LSS: variants seen among roughly 807,000 people sequenced by gnomAD.
The protein encoded by LSS is 2,3-epoxysqualene-lanosterol cyclase.
A neutral mutation model predicts 110.3 loss-of-function variants in LSS; 90 were observed. The ratio of observed to expected loss-of-function variants is 0.82; its 90% CI spans 0.69 to 0.97. The LOEUF is 0.97. LSS is among the 50% of genes least tolerant of loss of function. LSS has a pLI of 0.00. For synonymous variants in LSS, 433 were observed against 400.0 expected (o/e 1.08, Z -0.98); for missense variants, 927 against 990.0 (o/e 0.94, Z 0.85).
At chr21:46,202,814 C>T (rs1348135388) in intron 17 of LSS, among the ~76,000 whole-genome samples, 1 of 152,094 alleles carries the variant, frequency 6.6e-6, no homozygotes, top group Non-Finnish European at 1.5e-5. Flanking sequence ...AAGTTTGAGA[C>T]TGTGGTGAGC....
intron 13 of LSS, among the ~76,000 whole-genome samples, chr21:46,208,508 C>A (rs560459826): frequency 6.6e-6 from 1 of 152,322 alleles, no homozygotes; most frequent in East Asian, 1.9e-4. Context: ...TGCTGGGAAA[C>A]GTGACTGGCC....
At chr21:46,208,851 G>C (rs1008582119) in intron 13 of LSS, among the ~76,000 whole-genome samples, 3 of 152,192 alleles carry the variant, frequency 2.0e-5, no homozygotes, top group Non-Finnish European at 4.4e-5. Flanking sequence ...AGCCCAAGAT[G>C]GGTGCCAGCC....
chr21:46,189,141 A>C lies in LSS; in HGVS notation c.*1963T>G. ...GTGACAGGCTTCTGATAAGGGAATC[A>C]ATGTCTGTTTATTAAGGCAGATGCT... On this transcript the variant is annotated 3_prime_UTR_variant, in exon 22 of 22. Coordinates refer to ENST00000397728, the MANE Select transcript of LSS (RefSeq NM_002340.6). The C allele has an allele frequency of 4.4e-6, 1 of 227,400 alleles. No individual in the cohort carries two copies. 14.1% of individuals were successfully genotyped at this position (227,400 alleles called of 1,614,324 possible).
chr21:46,196,147 G>C (rs2079906690), intron 18 of LSS, 55 bp downstream of exon 18: 21 of 1,539,778 alleles, frequency 1.4e-5, no homozygotes, highest in Admixed American at 3.4e-5. Flanking sequence ...GTGTGTGAGA[G>C]CAGAAACCTG....
chr21:46,206,374 A>G (rs1008248785), intron 16 of LSS, among the ~76,000 whole-genome samples: 2 of 152,200 alleles, frequency 1.3e-5, no homozygotes, highest in African/African-American at 2.4e-5. Context: ...CAGCCTCCAC[A>G]GAACACAAGC....
intron 18 of LSS, among the ~76,000 whole-genome samples, 175 bp from the exon 19 acceptor site, chr21:46,195,931 G>A (rs942230435): frequency 7.2e-5 from 11 of 152,212 alleles, no homozygotes; most frequent in Admixed American, 2.0e-4. Flanking sequence ...AGAGCAAGCA[G>A]AAAGGGTGGA....
rs911980000 is a variant in LSS at position 46,194,425 on chromosome 21, G to A, written c.1988+66C>T. On this transcript the variant is annotated intron_variant, in intron 20 of 21. Transcript: ENST00000397728. ...CTACATTCACTCAGCCCAGGCCACC[G>A]GCTCACAGCTGAGTGTCCCTCCTCT... 20 of 1,582,152 alleles carry A rather than the reference G, an allele frequency of 1.3e-5. No homozygotes were observed. The Admixed American group carries it at 2.4e-4, about 19-fold the overall frequency.
chr21:46,203,530 T>C (rs1299636970), intron 17 of LSS, among the ~76,000 whole-genome samples: 1 of 152,248 alleles, frequency 6.6e-6, no homozygotes, highest in Non-Finnish European at 1.5e-5. Flanking sequence ...CAAGTCTTGT[T>C]TGCAAAGAAC....
chr21:46,193,835 G>A (rs144693442), intron 20 of LSS: 19,442 of 394,850 alleles, frequency 0.049, 559 homozygotes, highest in Middle Eastern at 0.13. Flanking sequence ...GTGTACACAG[G>A]TGCCTGTGCA....
Position 46,219,558 on chromosome 21 carries a change from T to C in LSS, c.565A>G (p.Ile189Val). Residue 189 changes from isoleucine to valine, a missense_variant, in exon 6 of 22, where the codon ATC becomes GTC. Ile to Val is a conservative substitution (Grantham distance 29). Coordinates refer to ENST00000397728, the MANE Select transcript of LSS (RefSeq NM_002340.6). ...ILHKKGGAVAIPSWGKFWLAV... is the reference protein window; with the variant it reads ...ILHKKGGAVAVPSWGKFWLAV... ...AGCCAGAACTTCCCCCAGGAGGGGATGGCCACAGCACCACCTGAGCGGGGA... is the reference window on the plus strand; with the variant it reads ...AGCCAGAACTTCCCCCAGGAGGGGACGGCCACAGCACCACCTGAGCGGGGA... The C allele has an allele frequency of 3.1e-6, 5 of 1,599,784 alleles. No homozygotes were observed. Among genetic ancestry groups the C allele is most frequent in the Non-Finnish European group, 3.4e-6 (4 of 1,172,970 alleles).
intron 17 of LSS, among the ~76,000 whole-genome samples, chr21:46,205,131 G>GAT (rs760782719): frequency 3.3e-4 from 50 of 152,206 alleles, no homozygotes; most frequent in Non-Finnish European, 6.9e-4. Context: ...GCCCCCAAAA[G>GAT]ATAAGTACAA....
chr21:46,204,596 CTGAG>C (rs1001079641), intron 17 of LSS, among the ~76,000 whole-genome samples: 2 of 150,450 alleles, frequency 1.3e-5, no homozygotes, highest in African/African-American at 4.9e-5. Flanking sequence ...GCACTCCAGC[CTGAG>C]TGAGAGAGCT....
At chr21:46,210,063 CTTTTTTT>C (rs71318051) in intron 12 of LSS, among the ~76,000 whole-genome samples, 2 of 107,592 alleles carry the variant, frequency 1.9e-5, no homozygotes, top group African/African-American at 7.4e-5. Context: ...AGTTCCAGTT[CTTTTTTT>C]TTTTTTTTTT....
intron 17 of LSS, among the ~76,000 whole-genome samples, chr21:46,196,665 A>G (rs1034297234): frequency 6.6e-6 from 1 of 152,256 alleles, no homozygotes; most frequent in East Asian, 1.9e-4. Context: ...CATCTAACTG[A>G]TATTTCCAAA....
Position 46,194,543 on chromosome 21 carries a change from G to A in LSS, c.1936C>T (p.Gln646Ter), listed in dbSNP as rs2123695450. Residue 646 changes from glutamine (Q) to a stop codon, truncating the protein, a stop_gained, in exon 20 of 22, where the codon CAG (glutamine) becomes TAG (stop). Coordinates refer to ENST00000397728, the MANE Select transcript of LSS (RefSeq NM_002340.6). LOFTEE classifies it high-confidence loss of function. The stretch of plus-strand genomic sequence containing the variant: ...CAGCATGTGTTATGGATCTGGGACT[G>A]GGCACTCTGCAAATAACGCCGCTCC... ...CEERRYLQSA[Q>*]SQIHNTCWAM... 1.9e-6 allele frequency: 3 copies of A among 1,613,886 alleles called. No homozygotes were observed. The highest frequency in any genetic ancestry group is 2.2e-5 in the East Asian group (1 of 44,882).
At position 46,196,334 on chromosome 21, in the gene LSS, C is replaced by T. The variant is rs549995889; in HGVS notation, c.1671-67G>A. 1.3e-5 allele frequency: 16 copies of T among 1,275,326 alleles called. No individual in the cohort carries two copies. The African/African-American group carries it at 1.5e-4, about 12-fold the overall frequency. 79.0% of individuals were successfully genotyped at this position (1,275,326 alleles called of 1,614,324 possible). A position where few individuals can be genotyped will look rare whatever the true frequency, so the allele number is the denominator to read the frequency against. On this transcript the variant is annotated intron_variant, in intron 17 of 21. Coordinates refer to ENST00000397728, the MANE Select transcript of LSS (RefSeq NM_002340.6). ...GCAGTTTACCTATCCCAATTCCATC[C>T]TTTCCAGGGTCTCAAAAGAATGAGA...
At chr21:46,194,854 C>T (rs2079886181) in intron 19 of LSS, among the ~76,000 whole-genome samples, 193 bp from the exon 20 acceptor site, 1 of 152,258 alleles carries the variant, frequency 6.6e-6, no homozygotes, top group African/African-American at 2.4e-5. Flanking sequence ...GATACTCCTG[C>T]CTCCCAGAGT....
At chr21:46,210,626 T>G in intron 12 of LSS, 62 bp downstream of exon 12, 3 of 1,515,114 alleles carry the variant, frequency 2.0e-6, no homozygotes, top group Non-Finnish European at 2.7e-6. Flanking sequence ...CTCAGGTGGA[T>G]GCGTGGGCTC....
chr21:46,197,109 T>C (rs1201348358), intron 17 of LSS, among the ~76,000 whole-genome samples: 3 of 152,254 alleles, frequency 2.0e-5, no homozygotes, highest in Non-Finnish European at 4.4e-5. Flanking sequence ...AATCAATGTG[T>C]GTTGTTCTAA....
Sources: gnomAD v4.1 joint callset for allele counts (sites outside exome capture counted in the v4.1 genomes callset) on GRCh38, gnomAD v4.1.1 for gene constraint, MANE v1.5 for transcripts, NCBI Gene and HGNC (gene_info 2026-07-23, HGNC 2026-07-21) for gene names.